MDGA2: variants seen among roughly 807,000 people sequenced by gnomAD.
MDGA2 encodes MAM domain-containing glycosylphosphatidylinositol anchor protein 2.
Under a neutral mutation model 117.8 loss-of-function variants are expected in MDGA2, and 40 were observed. The observed-to-expected ratio is 0.34, with a 90% confidence interval of 0.26 to 0.44. The LOEUF is 0.44. Among genes scored for constraint, MDGA2 ranks in the 20% least tolerant of loss-of-function variants. The pLI, the probability that MDGA2 is intolerant of heterozygous loss-of-function variation, is 1.00. For missense variants in MDGA2, 1,123 were observed against 1,250.6 expected (o/e 0.90, Z 1.54); for synonymous variants, 452 against 439.0 (o/e 1.03, Z -0.37).
intron 1 of MDGA2, among the ~76,000 whole-genome samples, chr14:47,369,465 T>C (rs1891298612): frequency 6.6e-6 from 1 of 152,136 alleles, no homozygotes; most frequent in African/African-American, 2.4e-5. Flanking sequence ...TTTTCAAAAA[T>C]GTAGTAATCA....
At chr14:47,669,868 C>G (rs1039954227) in intron 1 of MDGA2, among the ~76,000 whole-genome samples, 1 of 152,080 alleles carries the variant, frequency 6.6e-6, no homozygotes, top group Non-Finnish European at 1.5e-5. Context: ...AAAAAAAAAT[C>G]ATAATCAATA....
intron 10 of MDGA2, among the ~76,000 whole-genome samples, chr14:46,915,723 G>T (rs1348586988): frequency 1.3e-5 from 2 of 152,142 alleles, no homozygotes; most frequent in African/African-American, 2.4e-5. Flanking sequence ...CTGCAGAAGG[G>T]GAAGGTAAGG....
intron 1 of MDGA2, among the ~76,000 whole-genome samples, chr14:47,435,571 C>T (rs1226151642): frequency 6.6e-6 from 1 of 152,096 alleles, no homozygotes; most frequent in Non-Finnish European, 1.5e-5. Flanking sequence ...TGTCTAGGAC[C>T]TATGCCATGT....
chr14:47,434,146 A>G (rs1424254011), intron 1 of MDGA2, among the ~76,000 whole-genome samples: 2 of 152,138 alleles, frequency 1.3e-5, no homozygotes, highest in African/African-American at 4.8e-5. Flanking sequence ...TCATCATTTA[A>G]GAATAGCTTA....
intron 1 of MDGA2, among the ~76,000 whole-genome samples, chr14:47,388,852 C>T (rs1001330345): frequency 2.0e-5 from 3 of 152,144 alleles, no homozygotes; most frequent in African/African-American, 4.8e-5. Context: ...CCTCAGCATA[C>T]GATGACACAC....
intron 8 of MDGA2, among the ~76,000 whole-genome samples, chr14:47,019,723 A>G (rs1036790077): frequency 2.0e-5 from 3 of 151,882 alleles, no homozygotes; most frequent in Non-Finnish European, 4.4e-5. Context: ...GGGCGCCTGT[A>G]GTCCCAGCTA....
chr14:46,945,761 T>C (rs1885150877), intron 9 of MDGA2, among the ~76,000 whole-genome samples: 1 of 152,064 alleles, frequency 6.6e-6, no homozygotes, highest in South Asian at 2.1e-4. Flanking sequence ...GGTTTCCCTC[T>C]CACAGGAAAT....
At chr14:47,643,740 G>C (rs1281430216) in intron 1 of MDGA2, among the ~76,000 whole-genome samples, 1 of 152,048 alleles carries the variant, frequency 6.6e-6, no homozygotes, top group East Asian at 1.9e-4. Flanking sequence ...ATAACAAAAT[G>C]TTTTTACTTT....
intron 1 of MDGA2, among the ~76,000 whole-genome samples, chr14:47,482,725 T>C (rs971386159): frequency 6.6e-6 from 1 of 151,996 alleles, no homozygotes; most frequent in Non-Finnish European, 1.5e-5. Flanking sequence ...AACTCCTATG[T>C]TGATAAGTTA....
At chr14:47,421,537 G>C (rs1228644054) in intron 1 of MDGA2, among the ~76,000 whole-genome samples, 1 of 152,112 alleles carries the variant, frequency 6.6e-6, no homozygotes, top group African/African-American at 2.4e-5. Flanking sequence ...CAAATGCTTT[G>C]AGTCTGTTAT....
At chr14:47,361,542 G>A (rs540599871) in intron 1 of MDGA2, among the ~76,000 whole-genome samples, 2 of 151,732 alleles carry the variant, frequency 1.3e-5, no homozygotes, top group Non-Finnish European at 2.9e-5. Context: ...ATTTCTGGTT[G>A]TTTTTTTTAA....
At chr14:47,160,977 T>C (rs1426033128) in intron 3 of MDGA2, among the ~76,000 whole-genome samples, 2 of 152,208 alleles carry the variant, frequency 1.3e-5, no homozygotes, top group Non-Finnish European at 2.9e-5. Flanking sequence ...CTCTCCTTTT[T>C]CTAAGGTTAT....
At chr14:47,537,829 G>T (rs1353300537) in intron 1 of MDGA2, among the ~76,000 whole-genome samples, 1 of 152,010 alleles carries the variant, frequency 6.6e-6, no homozygotes, top group Admixed American at 6.6e-5. Context: ...ACAAGATTAG[G>T]ATTTCCACAT....
rs185278032 is a variant in MDGA2, at chr14:47,378,478, A to G, written c.281-76928T>C. 5.3e-5 allele frequency among the ~76,000 whole-genome samples: 8 copies of G among 152,322 alleles called. No individual in the cohort carries two copies. In the East Asian group the frequency reaches 1.4e-3, roughly 26 times the overall value. ...AAGCTAAAAACCTTGAAAAAAGATTAGATGAATGGCTAACTAGAATAAACA... is the reference window on the plus strand; with the variant it reads ...AAGCTAAAAACCTTGAAAAAAGATTGGATGAATGGCTAACTAGAATAAACA... On this transcript the variant is annotated intron_variant, in intron 1 of 16. Coordinates refer to ENST00000399232, the MANE Select transcript of MDGA2 (RefSeq NM_001113498.3).
At chr14:47,190,178 G>T (rs1031701957) in intron 3 of MDGA2, among the ~76,000 whole-genome samples, 1 of 152,112 alleles carries the variant, frequency 6.6e-6, no homozygotes, top group African/African-American at 2.4e-5. Context: ...TTTTGTTTCC[G>T]TATAGTTCCT....
chr14:47,537,160 G>A (rs1409268589), intron 1 of MDGA2, among the ~76,000 whole-genome samples: 3 of 151,938 alleles, frequency 2.0e-5, no homozygotes, highest in East Asian at 1.9e-4. Flanking sequence ...ACGTGCAACC[G>A]TTACAAATTC....
At chr14:47,134,174 A>G (rs890013518) in intron 4 of MDGA2, among the ~76,000 whole-genome samples, 6 of 152,060 alleles carry the variant, frequency 3.9e-5, no homozygotes, top group African/African-American at 1.4e-4. Context: ...TCCCTTTGCC[A>G]GTAAGTACCC....
intron 8 of MDGA2, among the ~76,000 whole-genome samples, chr14:46,962,028 A>G (rs188214319): frequency 6.6e-6 from 1 of 152,222 alleles, no homozygotes; most frequent in East Asian, 1.9e-4. Context: ...GTTCTTGATT[A>G]ATTTTGATCA....
At chr14:47,008,264 AG>A (rs767251186) in intron 8 of MDGA2, among the ~76,000 whole-genome samples, 7 of 152,052 alleles carry the variant, frequency 4.6e-5, no homozygotes, top group Non-Finnish European at 1.0e-4. Flanking sequence ...GAAAAACAAA[AG>A]CATAAAGGGT....
Sources: allele counts gnomAD v4.1 joint callset (sites outside exome capture counted in the v4.1 genomes callset), GRCh38; gene constraint gnomAD v4.1.1; transcripts MANE v1.5; gene names NCBI Gene and HGNC (gene_info 2026-07-23, HGNC 2026-07-21).